CDH22: variants seen among roughly 807,000 people sequenced by gnomAD.
The protein encoded by CDH22 is cadherin-22.
In CDH22, 30 loss-of-function variants were observed where a neutral mutation model predicts 58.4. That is an observed-to-expected ratio of 0.51 (90% CI 0.38 to 0.70). The LOEUF (loss-of-function observed/expected upper bound fraction) is 0.70. Among genes scored for constraint, CDH22 ranks in the 30% least tolerant of loss-of-function variants. The pLI is 0.00. For synonymous variants in CDH22, 513 were observed against 558.2 expected (o/e 0.92, Z 1.14); for missense variants, 1,014 against 1,233.9 (o/e 0.82, Z 2.67).
intron 4 of CDH22, 49 bp downstream of exon 4, chr20:46,227,459 C>A: frequency 7.7e-7 from 1 of 1,296,292 alleles, no homozygotes; most frequent in Admixed American, 2.0e-5. Context: ...CCCGCCCCGC[C>A]CCTGGCCCCG....
At position 46,280,087 on chromosome 20, in the gene CDH22, A is replaced by C. The variant is rs964072415; in HGVS notation, c.-400+28168T>G. Among the ~76,000 whole-genome samples the C allele has an allele frequency of 3.3e-5, 5 of 152,316 alleles. No homozygotes were observed. The East Asian group carries it at 7.7e-4, about 23-fold the overall frequency. On this transcript the variant is annotated intron_variant, in intron 1 of 11. Coordinates refer to ENST00000537909, the MANE Select transcript of CDH22 (RefSeq NM_021248.3). The stretch of plus-strand genomic sequence containing the variant: ...GTCACACCTGGGGCTGTCTGGTTCC[A>C]CAGGCTGGGCCTCTTTTTCTGCTGC...
chr20:46,278,838 T>G (rs929137284), intron 1 of CDH22, among the ~76,000 whole-genome samples: 1 of 152,212 alleles, frequency 6.6e-6, no homozygotes, highest in Non-Finnish European at 1.5e-5. Flanking sequence ...TCCTCTCGCC[T>G]TGGCCTCCCA....
intron 1 of CDH22, among the ~76,000 whole-genome samples, chr20:46,305,695 G>A (rs139273694): frequency 1.3e-5 from 2 of 152,266 alleles, no homozygotes; most frequent in Non-Finnish European, 2.9e-5. Flanking sequence ...AAGAAAAAGG[G>A]GAGGGGGAAG....
intron 3 of CDH22, among the ~76,000 whole-genome samples, chr20:46,228,664 T>A (rs2086197789): frequency 6.6e-6 from 1 of 151,766 alleles, no homozygotes. Context: ...CAAGAGTGAG[T>A]CTTGGGGGTT....
At chr20:46,281,364 G>A (rs780326071) in intron 1 of CDH22, among the ~76,000 whole-genome samples, 11 of 152,202 alleles carry the variant, frequency 7.2e-5, no homozygotes, top group Non-Finnish European at 1.5e-4. Flanking sequence ...GAGTAGAGTG[G>A]CTGGACTGGA....
intron 3 of CDH22, among the ~76,000 whole-genome samples, chr20:46,237,318 C>T (rs1207172066): frequency 6.6e-6 from 1 of 152,120 alleles, no homozygotes; most frequent in Admixed American, 6.5e-5. Context: ...ATCGGAGGCC[C>T]CCCGGCACAC....
At chr20:46,194,475 G>A (rs959598729) in intron 8 of CDH22, among the ~76,000 whole-genome samples, 6 of 152,176 alleles carry the variant, frequency 3.9e-5, no homozygotes, top group Admixed American at 1.3e-4. Context: ...CTTCCTTGGC[G>A]TCTGTCTCCC....
intron 1 of CDH22, among the ~76,000 whole-genome samples, chr20:46,307,264 A>C (rs1020915605): frequency 6.6e-6 from 1 of 152,120 alleles, no homozygotes; most frequent in Non-Finnish European, 1.5e-5. Context: ...ACCTCGGGGG[A>C]TCCTGGATCA....
intron 1 of CDH22, among the ~76,000 whole-genome samples, chr20:46,294,672 C>T (rs1029368513): frequency 5.3e-5 from 8 of 152,204 alleles, no homozygotes; most frequent in Non-Finnish European, 1.2e-4. Context: ...ACTCTCCCTT[C>T]TCCACAGGGC....
At chr20:46,199,262 AGTTT>A (rs1480666385) in intron 8 of CDH22, among the ~76,000 whole-genome samples, 157 bp downstream of exon 8, 2 of 152,080 alleles carry the variant, frequency 1.3e-5, no homozygotes, top group Non-Finnish European at 2.9e-5. Flanking sequence ...ATCTTTGTCT[AGTTT>A]CTTTCTCTTC....
At position 46,210,233 on chromosome 20, in the gene CDH22, C is replaced by T. The variant is rs2086030866; in HGVS notation, c.1286+74G>A. The T allele has an allele frequency of 7.5e-7, 1 of 1,329,376 alleles. No homozygotes were observed. Among genetic ancestry groups the T allele is most frequent in the Admixed American group, 4.0e-5 (1 of 24,764 alleles). The allele number at this position is 1,329,376 out of a possible 1,614,324, so 82.3% of individuals were successfully genotyped here. ...CTGCCCGCCCCAGCCCTCCTCCCCT[C>T]TGCCCGCAGTCTGTCCGCGGGGGTG... On this transcript the variant is annotated intron_variant, in intron 7 of 11. Transcript: ENST00000537909. The surrounding 1 kb of genome is among the most constrained non-coding windows in gnomAD (Gnocchi z 4.5).
intron 8 of CDH22, among the ~76,000 whole-genome samples, chr20:46,194,054 C>T (rs2085880586): frequency 6.6e-6 from 1 of 152,186 alleles, no homozygotes; most frequent in South Asian, 2.1e-4. Flanking sequence ...GTCCCCTCCT[C>T]TGGGAAGGGT....
At chr20:46,177,877 T>G (rs2085751958) in intron 11 of CDH22, 69 bp downstream of exon 11, 9 of 1,575,112 alleles carry the variant, frequency 5.7e-6, no homozygotes, top group Non-Finnish European at 6.9e-6. Context: ...GGGGGCTGGT[T>G]AGGAAGGAAA....
chr20:46,216,659 G>A lies in CDH22; in HGVS notation c.838+167C>T, dbSNP rs1388877144. Among the ~76,000 whole-genome samples the A allele has an allele frequency of 6.6e-6, 1 of 152,174 alleles. No individual in the cohort carries two copies. Among genetic ancestry groups the A allele is most frequent in the Non-Finnish European group, 1.5e-5 (1 of 68,026 alleles). On this transcript the variant is annotated intron_variant, in intron 5 of 11. Transcript: ENST00000537909. The surrounding 1 kb of genome is among the most constrained non-coding windows in gnomAD (Gnocchi z 5.3). ...TGGTAGGAAGCATGGTTGGAGGGGGGCTGGGGGATAGCTGGTGGCTTGGGA... is the reference window on the plus strand; with the variant it reads ...TGGTAGGAAGCATGGTTGGAGGGGGACTGGGGGATAGCTGGTGGCTTGGGA...
chr20:46,210,402 G>A lies in CDH22; in HGVS notation c.1191C>T (p.Pro397=). 1 of 1,464,496 alleles carries A rather than the reference G, an allele frequency of 6.8e-7. No homozygotes were observed. The highest frequency in any genetic ancestry group is 9.0e-7 in the Non-Finnish European group (1 of 1,108,894). The allele number at this position is 1,464,496 out of a possible 1,614,324, so 90.7% of individuals were successfully genotyped here. A position where few individuals can be genotyped will look rare whatever the true frequency, so the allele number is the denominator to read the frequency against. The change falls in exon 7 of 12, where the codon CCC becomes CCT. Residue 397 remains proline, a synonymous_variant. Coordinates refer to ENST00000537909, the MANE Select transcript of CDH22 (RefSeq NM_021248.3). The surrounding 1 kb of genome is among the most constrained non-coding windows in gnomAD (Gnocchi z 4.5). ...DVDEPPEFRP[P]SGLLEVQEDA... Reference sequence around the variant, plus strand: ...CCTCCTGCACCTCCAGGAGGCCGGAGGGCGGCCGGAACTCGGGGGGCTCGT... The same window carrying A: ...CCTCCTGCACCTCCAGGAGGCCGGAAGGCGGCCGGAACTCGGGGGGCTCGT...
rs1051710495 is a variant in CDH22 at position 46,175,171 on chromosome 20, C to A, written c.1916-94G>T. The A allele has an allele frequency of 5.5e-5, 67 of 1,227,660 alleles. 2 individuals carry two copies. Among genetic ancestry groups the A allele is most frequent in the African/African-American group, 4.4e-4 (28 of 63,302 alleles). The allele number at this position is 1,227,660 out of a possible 1,614,324, so 76.0% of individuals were successfully genotyped here. ...CCATCTCCTCCCGCCTCCCACCCAG[C>A]AGAGCGGGCCCAGCCTCAACATTCC... On this transcript the variant is annotated intron_variant, in intron 11 of 11. Coordinates refer to ENST00000537909, the MANE Select transcript of CDH22 (RefSeq NM_021248.3).
intron 1 of CDH22, among the ~76,000 whole-genome samples, chr20:46,273,634 C>CGGAGAGGCA (rs1223083307): frequency 2.0e-5 from 3 of 152,244 alleles, no homozygotes; most frequent in Non-Finnish European, 4.4e-5. Flanking sequence ...GTGAGCTGTC[C>CGGAGAGGCA]GGAGAGGCAG....
At chr20:46,183,363 C>A (rs2085802293) in intron 10 of CDH22, among the ~76,000 whole-genome samples, 1 of 152,096 alleles carries the variant, frequency 6.6e-6, no homozygotes, top group Admixed American at 6.5e-5. Context: ...TGGTCAGCGT[C>A]CTTTCTGATT....
At chr20:46,254,162 G>A (rs1055414211) in intron 1 of CDH22, among the ~76,000 whole-genome samples, 1 of 152,172 alleles carries the variant, frequency 6.6e-6, no homozygotes, top group Non-Finnish European at 1.5e-5. Context: ...GCAAAGAGAT[G>A]CATTTCTTCT....
Sources: allele counts gnomAD v4.1 joint callset (sites outside exome capture counted in the v4.1 genomes callset), GRCh38; gene constraint gnomAD v4.1.1; non-coding constraint Gnocchi (gnomAD v3.1); transcripts MANE v1.5; gene names NCBI Gene and HGNC (gene_info 2026-07-23, HGNC 2026-07-21).